Variants in PLCXD2 observed in about 807,000 individuals in gnomAD.
The protein encoded by PLCXD2 is phosphatidylinositol specific phospholipase C X domain containing 2, also known as PI-PLC X domain-containing protein 2.
In PLCXD2, 21 loss-of-function variants were observed where a neutral mutation model predicts 28.6. That is an observed-to-expected ratio of 0.73 (90% CI 0.52 to 1.06). PLCXD2 has a LOEUF of 1.06. Among genes scored for constraint, PLCXD2 ranks in the 50% least tolerant of loss-of-function variants. The pLI is 0.00. For synonymous variants in PLCXD2, 140 were observed against 150.1 expected, an observed-to-expected ratio of 0.93 and a Z score of 0.49; for missense variants, 369 against 376.7, an observed-to-expected ratio of 0.98 and a Z score of 0.17.
chr3:111,713,073 C>T (rs1281954256), intron 2 of PLCXD2, among the ~76,000 whole-genome samples: 7 of 152,194 alleles, frequency 4.6e-5, no homozygotes, highest in East Asian at 3.9e-4. Context: ...CCAGCACACA[C>T]GATTGAAAGT....
At chr3:111,681,465 T>A (rs1940713805) in intron 1 of PLCXD2, among the ~76,000 whole-genome samples, 1 of 152,214 alleles carries the variant, frequency 6.6e-6, no homozygotes, top group Non-Finnish European at 1.5e-5. Context: ...TACAAAATGC[T>A]TTCCTTTGAA....
At chr3:111,698,281 ATTGT>A (rs1262115324) in intron 1 of PLCXD2, among the ~76,000 whole-genome samples, 1 of 152,180 alleles carries the variant, frequency 6.6e-6, no homozygotes, top group Admixed American at 6.5e-5. Context: ...TGTTGTCCAC[ATTGT>A]GCAGATGAGG....
At chr3:111,719,994 G>A (rs1941323721) in intron 3 of PLCXD2, among the ~76,000 whole-genome samples, 1 of 152,088 alleles carries the variant, frequency 6.6e-6, no homozygotes, top group Non-Finnish European at 1.5e-5. Flanking sequence ...CTTGCAGTTG[G>A]AATATGTCAA....
chr3:111,688,943 A>C (rs1237249017), intron 1 of PLCXD2, among the ~76,000 whole-genome samples: 2 of 152,088 alleles, frequency 1.3e-5, no homozygotes, highest in Non-Finnish European at 2.9e-5. Flanking sequence ...ATTACTTAAT[A>C]TATACCTAAT....
chr3:111,704,749 A>G (rs1673551674), intron 1 of PLCXD2, among the ~76,000 whole-genome samples: 1 of 152,102 alleles, frequency 6.6e-6, no homozygotes, highest in African/African-American at 2.4e-5. Flanking sequence ...TATACAATAA[A>G]TTATAGTCAA....
At position 111,675,404 on chromosome 3, in the gene PLCXD2, C is replaced by A. The variant is rs757219186; in HGVS notation, c.159C>A (p.Ile53=). 1 of 1,614,102 alleles carries A rather than the reference C, an allele frequency of 6.2e-7. No homozygotes were observed. Among genetic ancestry groups the A allele is most frequent in the Non-Finnish European group, 8.5e-7 (1 of 1,179,982 alleles). The change falls in exon 1 of 5, where the codon ATC becomes ATA. Residue 53 remains isoleucine (I), a synonymous_variant. Transcript: ENST00000477665. The stretch of plus-strand genomic sequence containing the variant: ...ACCTCCCCCTTTCCAATCTGGCAAT[C>A]CCAGGTATTCGTCTATTCCTACTTG...
chr3:111,711,071 G>C (rs1013074070), intron 2 of PLCXD2, among the ~76,000 whole-genome samples: 19 of 152,152 alleles, frequency 1.2e-4, no homozygotes, highest in Non-Finnish European at 2.2e-4. Context: ...AGATCCCCCT[G>C]TGCTCCCTTC....
chr3:111,686,499 G>A (rs555028376), intron 1 of PLCXD2, among the ~76,000 whole-genome samples: 1 of 152,290 alleles, frequency 6.6e-6, no homozygotes, highest in East Asian at 1.9e-4. Flanking sequence ...ATGCCTCATG[G>A]AAAATAAACA....
At chr3:111,724,025 G>A (rs903435103) in intron 3 of PLCXD2, 25 of 152,092 alleles carry the variant, frequency 1.6e-4, no homozygotes, top group African/African-American at 5.8e-4. Flanking sequence ...ATATTTCCAT[G>A]GCTTTGTGGC....
chr3:111,721,763 G>A (rs1941348867), intron 3 of PLCXD2: 1 of 152,252 alleles, frequency 6.6e-6, no homozygotes, highest in Admixed American at 6.5e-5. Flanking sequence ...CCTCTTTGGA[G>A]TGGGGTCTTC....
intron 3 of PLCXD2, among the ~76,000 whole-genome samples, chr3:111,717,097 A>G (rs1276162512): frequency 6.6e-6 from 1 of 152,200 alleles, no homozygotes; most frequent in African/African-American, 2.4e-5. Context: ...TTGCTATGGT[A>G]GCCCTAGCAA....
At chr3:111,680,807 T>C (rs1445333881) in intron 1 of PLCXD2, among the ~76,000 whole-genome samples, 4 of 152,244 alleles carry the variant, frequency 2.6e-5, no homozygotes, top group Non-Finnish European at 5.9e-5. Flanking sequence ...TTACTTAACC[T>C]CTCTGTGCCT....
At chr3:111,702,282 G>A (rs1425158595) in intron 1 of PLCXD2, among the ~76,000 whole-genome samples, 11 of 152,118 alleles carry the variant, frequency 7.2e-5, no homozygotes, top group Non-Finnish European at 1.2e-4. Context: ...AACTGACTTG[G>A]CAAACCCACA....
chr3:111,710,164 G>A (rs569002513), intron 2 of PLCXD2, among the ~76,000 whole-genome samples: 51 of 152,138 alleles, frequency 3.4e-4, no homozygotes, highest in Non-Finnish European at 6.0e-4. Context: ...TCGACACCAC[G>A]GAGGCTTCAT....
chr3:111,725,319 T>C (rs967891629), intron 3 of PLCXD2: 4 of 280,856 alleles, frequency 1.4e-5, no homozygotes, highest in Middle Eastern at 9.4e-4. Context: ...CCAGGATATC[T>C]TGGCCCTCTG....
intron 1 of PLCXD2, among the ~76,000 whole-genome samples, chr3:111,687,587 C>T (rs1020878693): frequency 6.6e-6 from 1 of 151,962 alleles, no homozygotes; most frequent in Non-Finnish European, 1.5e-5. Context: ...AATTGGAATA[C>T]AAGATGTTTT....
intron 2 of PLCXD2, among the ~76,000 whole-genome samples, chr3:111,709,550 G>A (rs1417230196): frequency 6.6e-6 from 1 of 152,178 alleles, no homozygotes; most frequent in Non-Finnish European, 1.5e-5. Flanking sequence ...CAAGCATGGT[G>A]AGAGGGAACC....
intron 3 of PLCXD2, among the ~76,000 whole-genome samples, chr3:111,715,437 T>C (rs1194386366): frequency 6.6e-6 from 1 of 152,184 alleles, no homozygotes; most frequent in Non-Finnish European, 1.5e-5. Flanking sequence ...GTCAAGGAAC[T>C]CACAGTCTAG....
intron 3 of PLCXD2, among the ~76,000 whole-genome samples, chr3:111,716,132 G>A (rs901415977): frequency 1.3e-5 from 2 of 152,136 alleles, no homozygotes; most frequent in African/African-American, 2.4e-5. Context: ...CCCCCCTGCC[G>A]GCCATAAGAA....
Sources: gnomAD v4.1 joint callset for allele counts (sites outside exome capture counted in the v4.1 genomes callset) on GRCh38, gnomAD v4.1.1 for gene constraint, MANE v1.5 for transcripts, NCBI Gene and HGNC (gene_info 2026-07-23, HGNC 2026-07-21) for gene names.